HMGCLL1: variants seen among roughly 807,000 people sequenced by gnomAD.
The protein encoded by HMGCLL1 is 3-hydroxy-3-methylglutaryl-CoA lyase like 1, also known as 3-hydroxymethyl-3-methylglutaryl-CoA lyase, cytoplasmic.
A neutral mutation model predicts 39.1 loss-of-function variants in HMGCLL1; 36 were observed. The ratio of observed to expected loss-of-function variants is 0.92; its 90% CI spans 0.71 to 1.22. The LOEUF is 1.22. Among genes scored for constraint, HMGCLL1 ranks in the 50% most tolerant of loss-of-function variants. HMGCLL1 has a pLI of 0.00. For missense variants in HMGCLL1, 451 were observed against 416.5 expected (o/e 1.08, Z -0.72); for synonymous variants, 149 against 144.0 (o/e 1.03, Z -0.25).
chr6:55,671,954 T>C, the HMGCLL1 span, among the ~76,000 whole-genome samples: 1 of 151,722 alleles, frequency 6.6e-6, no homozygotes. Flanking sequence ...CTACAGGGTA[T>C]GTGTTTTTAG....
chr6:55,487,412 C>T (rs1766088492), intron 7 of HMGCLL1, among the ~76,000 whole-genome samples: 1 of 152,016 alleles, frequency 6.6e-6, no homozygotes. Flanking sequence ...CCGTCACCTA[C>T]ATTAGGTATT....
At position 55,485,897 on chromosome 6, in the gene HMGCLL1, C is replaced by A. The variant is rs919655315; in HGVS notation, c.795+9522G>T. Among the ~76,000 whole-genome samples, 99 of 151,492 alleles carry A rather than the reference C, an allele frequency of 6.5e-4. 1 individual carries two copies. Among genetic ancestry groups the A allele is most frequent in the African/African-American group, 2.4e-3 (98 of 41,364 alleles). On this transcript the variant is annotated intron_variant, in intron 7 of 8. Transcript: ENST00000274901. ...TTGACTTACATAATATATCAAAAAA[C>A]CCCTAATGATCTGATATTTTCCCTG... is the stretch of plus-strand genomic sequence containing the variant.
chr6:55,646,356 T>A, the HMGCLL1 span, among the ~76,000 whole-genome samples: 1 of 151,778 alleles, frequency 6.6e-6, no homozygotes, highest in African/African-American at 2.4e-5. Context: ...ATTTCATTAA[T>A]CTTTTATATT....
chr6:55,571,398 T>C (rs1771485285), intron 1 of HMGCLL1, among the ~76,000 whole-genome samples: 2 of 152,164 alleles, frequency 1.3e-5, no homozygotes, highest in African/African-American at 2.4e-5. Flanking sequence ...TAAACAATAG[T>C]ACTGATTTAA....
At chr6:55,531,031 A>T (rs1365678765) in intron 3 of HMGCLL1, among the ~76,000 whole-genome samples, 1 of 152,204 alleles carries the variant, frequency 6.6e-6, no homozygotes, top group East Asian at 1.9e-4. Context: ...AAATACTCAA[A>T]ACTGGGCTAT....
chr6:55,630,323 C>G, the HMGCLL1 span, among the ~76,000 whole-genome samples: 16,988 of 151,970 alleles, frequency 0.11, 1,136 homozygotes, highest in East Asian at 0.17. Context: ...TTGTTTTGGC[C>G]TATTTCTCCC....
the HMGCLL1 span, among the ~76,000 whole-genome samples, chr6:55,612,296 G>C: frequency 6.6e-6 from 1 of 152,120 alleles, no homozygotes; most frequent in Admixed American, 6.6e-5. Flanking sequence ...GGAAATAAGA[G>C]AGGACAAAAA....
At chr6:55,460,839 C>G (rs1193302631) in intron 7 of HMGCLL1, among the ~76,000 whole-genome samples, 3 of 151,892 alleles carry the variant, frequency 2.0e-5, no homozygotes, top group Non-Finnish European at 4.4e-5. Flanking sequence ...TTTAACCCAG[C>G]AATTTTTGAA....
rs963740838 is a variant in HMGCLL1 at position 55,514,049 on chromosome 6, C to T, written c.541G>A (p.Gly181Arg). The T allele has an allele frequency of 1.1e-5, 18 of 1,609,920 alleles. No individual in the cohort carries two copies. The highest frequency in any genetic ancestry group is 1.5e-5 in the Non-Finnish European group (18 of 1,178,682). ...GAATTTGTGGGATTTCATAAGTACC[C>T]TCGTGCTGGAATATTCATGTGTCTT... ...SARHMNIPAR[G>R]YVSCALGCPY... Residue 181 changes from glycine to arginine, a missense_variant and splice_region_variant, in exon 5 of 9, where the codon GGG becomes AGG. Physicochemically the swap from Gly to Arg is moderately radical, Grantham distance 125 (BLOSUM62 -2). Coordinates refer to ENST00000274901, the MANE Select transcript of HMGCLL1 (RefSeq NM_001042406.2).
the HMGCLL1 span, among the ~76,000 whole-genome samples, chr6:55,652,210 G>A: frequency 6.6e-6 from 1 of 151,970 alleles, no homozygotes; most frequent in Admixed American, 6.6e-5. Flanking sequence ...TGATCAGCTG[G>A]ATTTCTTATG....
In HMGCLL1 at chr6:55,518,276, G is replaced by A. The variant is rs1309938158; in HGVS notation, c.298-1673C>T. ...TCAAAGAAATATACTGGTTGTAAATGAGATCACAGATTATAAGAGTTCAGA... is the reference window on the plus strand; with the variant it reads ...TCAAAGAAATATACTGGTTGTAAATAAGATCACAGATTATAAGAGTTCAGA... On this transcript the variant is annotated intron_variant, in intron 3 of 8. Coordinates refer to ENST00000274901, the MANE Select transcript of HMGCLL1 (RefSeq NM_001042406.2). Among the ~76,000 whole-genome samples the A allele has an allele frequency of 3.9e-5, 6 of 152,106 alleles. No homozygotes were observed. The East Asian group carries it at 5.8e-4, about 15-fold the overall frequency.
upstream of HMGCLL1, among the ~76,000 whole-genome samples, chr6:55,580,599 T>C (rs1489862583): frequency 6.6e-6 from 1 of 151,798 alleles, no homozygotes; most frequent in African/African-American, 2.4e-5. Flanking sequence ...GTATTTTTAG[T>C]AGAGACGGGG....
At chr6:55,619,372 C>T in the HMGCLL1 span, among the ~76,000 whole-genome samples, 3 of 152,182 alleles carry the variant, frequency 2.0e-5, no homozygotes, top group East Asian at 3.9e-4. Context: ...TAAACTGTTT[C>T]TGCAGAGTTA....
In HMGCLL1 at chr6:55,435,500, G is replaced by A; in HGVS notation, c.*162C>T. The A allele has an allele frequency of 2.5e-6, 1 of 400,398 alleles. No individual in the cohort carries two copies. The highest frequency in any genetic ancestry group is 4.5e-6 in the Non-Finnish European group (1 of 223,974). The allele number at this position is 400,398 out of a possible 1,614,324, so 24.8% of individuals were successfully genotyped here. A position where few individuals can be genotyped will look rare whatever the true frequency, so the allele number is the denominator to read the frequency against. On this transcript the variant is annotated 3_prime_UTR_variant, in exon 9 of 9. Transcript: ENST00000274901. ...TACCTGATGACTGATATTGCATTTT[G>A]TTGACTTAATCTATCCAGTTATAAT...
At chr6:55,456,898 G>A (rs1292571462) in intron 7 of HMGCLL1, among the ~76,000 whole-genome samples, 1 of 152,100 alleles carries the variant, frequency 6.6e-6, no homozygotes, top group Non-Finnish European at 1.5e-5. Flanking sequence ...GCAAATCGTA[G>A]GAAGCCATTC....
At chr6:55,646,138 A>G in the HMGCLL1 span, among the ~76,000 whole-genome samples, 2 of 152,028 alleles carry the variant, frequency 1.3e-5, no homozygotes, top group East Asian at 3.9e-4. Context: ...ATATGTGTCT[A>G]GGAACTTACT....
intron 8 of HMGCLL1, among the ~76,000 whole-genome samples, chr6:55,438,975 T>C (rs1366226645): frequency 1.3e-5 from 2 of 152,072 alleles, no homozygotes; most frequent in Non-Finnish European, 2.9e-5. Flanking sequence ...CTAAGTGTTA[T>C]GAAGCTCCCC....
intron 7 of HMGCLL1, among the ~76,000 whole-genome samples, chr6:55,463,197 T>A (rs1383230531): frequency 6.6e-6 from 1 of 151,734 alleles, no homozygotes; most frequent in African/African-American, 2.4e-5. Flanking sequence ...GCCTGGCTAA[T>A]TTTTTTCTAT....
chr6:55,462,749 A>G (rs550971019), intron 7 of HMGCLL1, among the ~76,000 whole-genome samples: 1 of 152,246 alleles, frequency 6.6e-6, no homozygotes, highest in East Asian at 1.9e-4. Flanking sequence ...TAATTATACA[A>G]ACTTCTTATG....
Sources: allele counts gnomAD v4.1 joint callset (sites outside exome capture counted in the v4.1 genomes callset), GRCh38; gene constraint gnomAD v4.1.1; transcripts MANE v1.5; gene names NCBI Gene and HGNC (gene_info 2026-07-23, HGNC 2026-07-21).